The following SPPL3 variants were observed in gnomAD, a reference collection of about 807,000 sequenced individuals.
The protein encoded by SPPL3 is signal peptide peptidase like 3.
A neutral mutation model predicts 42.4 loss-of-function variants in SPPL3; 5 were observed. The ratio of observed to expected loss-of-function variants is 0.12; its 90% CI spans 0.06 to 0.25. The LOEUF (loss-of-function observed/expected upper bound fraction) is 0.25, where lower values mean the gene tolerates loss of function less well. SPPL3 is among the 10% of genes least tolerant of loss of function. The pLI is 1.00. For synonymous variants in SPPL3, 195 were observed against 181.8 expected (o/e 1.07, Z -0.58); for missense variants, 235 against 489.0 (o/e 0.48, Z 4.90).
At chr12:120,800,869 C>G (rs935614197) in intron 2 of SPPL3, among the ~76,000 whole-genome samples, 2 of 152,230 alleles carry the variant, frequency 1.3e-5, no homozygotes, top group Non-Finnish European at 2.9e-5. Flanking sequence ...TGAGCTCATA[C>G]TGTCAGGCAC....
At position 120,782,723 on chromosome 12, in the gene SPPL3, A is replaced by G; in HGVS notation, c.434T>C (p.Leu145Pro). ...GAGCATGACAGACAGAGAGAATGAC[A>G]GCAACTCAGCAGCAGTGAAACGTCC... The part of the protein sequence containing the change: ...CCGRFTAAEL[L>P]SFSLSVMLVL... The change falls in exon 6 of 11, where the codon CTG (leucine) becomes CCG (proline). Residue 145 changes from leucine (L) to proline (P), a missense_variant. Around this residue, in one of 6 missense-constraint regions of SPPL3, gnomAD observed 110 missense variants for 186.2 expected, o/e 0.59. Coordinates refer to ENST00000353487, the MANE Select transcript of SPPL3 (RefSeq NM_139015.5). 6.2e-7 allele frequency: 1 copy of G among 1,610,484 alleles called. No homozygotes were observed. Among genetic ancestry groups the G allele is most frequent in the Non-Finnish European group, 8.5e-7 (1 of 1,178,046 alleles).
At chr12:120,880,851 A>AT (rs1873256723) in intron 1 of SPPL3, among the ~76,000 whole-genome samples, 1 of 151,796 alleles carries the variant, frequency 6.6e-6, no homozygotes, top group South Asian at 2.1e-4. Flanking sequence ...GAATATACTA[A>AT]TAACTACAGC....
chr12:120,848,921 A>G (rs1872132393), intron 1 of SPPL3, among the ~76,000 whole-genome samples: 1 of 152,028 alleles, frequency 6.6e-6, no homozygotes, highest in South Asian at 2.1e-4. Context: ...GTAACACTCA[A>G]TTTTGGTTTT....
chr12:120,835,666 T>G (rs1871594257), intron 1 of SPPL3: 1 of 152,222 alleles, frequency 6.6e-6, no homozygotes, highest in South Asian at 2.1e-4. Context: ...TATGCCTTCA[T>G]GTAAAAAGCT....
At chr12:120,804,527 AT>A (rs1266848262) in intron 2 of SPPL3, among the ~76,000 whole-genome samples, 2 of 152,166 alleles carry the variant, frequency 1.3e-5, no homozygotes, top group Non-Finnish European at 2.9e-5. Flanking sequence ...GCAAACCAAA[AT>A]TATAATGAGA....
At chr12:120,890,363 G>A (rs981534591) in intron 1 of SPPL3, among the ~76,000 whole-genome samples, 17 of 152,098 alleles carry the variant, frequency 1.1e-4, no homozygotes, top group African/African-American at 4.1e-4. Context: ...GCTGAGGCGG[G>A]CAGATCACGA....
intron 9 of SPPL3, among the ~76,000 whole-genome samples, 183 bp from the exon 10 acceptor site, chr12:120,766,555 A>G (rs1868915184): frequency 2.0e-5 from 3 of 152,184 alleles, no homozygotes; most frequent in South Asian, 4.1e-4. Flanking sequence ...AAAAACACCT[A>G]CAACTCCAAG....
In SPPL3 at chr12:120,903,962, G is replaced by GTGCT. The variant is rs909431887; in HGVS notation, c.-99_-96dup. 8 of 1,089,010 alleles carry GTGCT rather than the reference G, an allele frequency of 7.3e-6. No homozygotes were observed. The highest frequency in any genetic ancestry group is 1.6e-5 in the African/African-American group (1 of 60,624). 67.5% of individuals were successfully genotyped at this position (1,089,010 alleles called of 1,614,324 possible). On this transcript the variant is annotated 5_prime_UTR_variant, in exon 1 of 11. Transcript: ENST00000353487. ...TAGCTGAAGGCGCGGCCGGGGTCCG[G>GTGCT]TGCTTGCTTGCTTGCTCGCTCGCTG...
At chr12:120,885,849 C>CT (rs142907503) in intron 1 of SPPL3, among the ~76,000 whole-genome samples, 1,764 of 121,542 alleles carry the variant, frequency 0.015, 39 homozygotes, top group African/African-American at 0.04. Context: ...AACATTAAAA[C>CT]TTTTTTTTTT....
At chr12:120,820,478 G>A (rs904587944) in intron 1 of SPPL3, among the ~76,000 whole-genome samples, 1 of 151,806 alleles carries the variant, frequency 6.6e-6, no homozygotes, top group African/African-American at 2.4e-5. Flanking sequence ...ACCACATCCG[G>A]CTAATTTTTT....
chr12:120,847,688 C>T (rs1463596575), intron 1 of SPPL3, among the ~76,000 whole-genome samples: 1 of 152,006 alleles, frequency 6.6e-6, no homozygotes, highest in Admixed American at 6.6e-5. Flanking sequence ...ACCTTGGCTT[C>T]CGAAAGTGCT....
rs1566040059 is a variant in SPPL3 at position 120,781,573 on chromosome 12, T to TGG, written c.502+1081_502+1082insCC. On this transcript the variant is annotated intron_variant, in intron 6 of 10. Transcript: ENST00000353487. ...TTGTTACGTTTTTTTTTTTTTTTTT[T>TGG]TTTTTTTTTTTTTTTTTTGAGACGG... is the stretch of plus-strand genomic sequence containing the variant. Among the ~76,000 whole-genome samples, 304 of 116,476 alleles carry TGG rather than the reference T, an allele frequency of 2.6e-3. 7 individuals carry two copies. Among genetic ancestry groups the TGG allele is most frequent in the African/African-American group, 0.01 (285 of 27,244 alleles). 76.4% of individuals were successfully genotyped at this position (116,476 alleles called of 152,430 possible).
At chr12:120,801,290 C>A (rs990974940) in intron 2 of SPPL3, among the ~76,000 whole-genome samples, 2 of 152,100 alleles carry the variant, frequency 1.3e-5, no homozygotes, top group Admixed American at 1.3e-4. Context: ...GCTAGCTGGG[C>A]CTCCTCTTCT....
chr12:120,777,210 A>C (rs1869352620), intron 6 of SPPL3, among the ~76,000 whole-genome samples: 1 of 152,230 alleles, frequency 6.6e-6, no homozygotes, highest in African/African-American at 2.4e-5. Context: ...AAGTAACAGC[A>C]GGAGAAACAT....
At chr12:120,799,932 ACT>A (rs1175190830) in intron 2 of SPPL3, among the ~76,000 whole-genome samples, 2 of 152,112 alleles carry the variant, frequency 1.3e-5, no homozygotes, top group Non-Finnish European at 2.9e-5. Flanking sequence ...TTTGCAAAAG[ACT>A]CTGCCTCCAA....
At chr12:120,876,616 C>CAAAAAAAAAAAAA (rs71076676) in intron 1 of SPPL3, among the ~76,000 whole-genome samples, 6 of 51,210 alleles carry the variant, frequency 1.2e-4, no homozygotes, top group African/African-American at 3.3e-4. Context: ...GACTCTGTCT[C>CAAAAAAAAAAAAA]AAAAAAAAAA....
intron 6 of SPPL3, among the ~76,000 whole-genome samples, chr12:120,777,838 A>G (rs1372505205): frequency 1.3e-5 from 2 of 152,214 alleles, no homozygotes; most frequent in East Asian, 3.8e-4. Context: ...ACAAGATGCT[A>G]AACAAATGAC....
intron 1 of SPPL3, among the ~76,000 whole-genome samples, chr12:120,878,119 C>A (rs1315792815): frequency 6.6e-6 from 1 of 151,900 alleles, no homozygotes; most frequent in Non-Finnish European, 1.5e-5. Context: ...TTTCTACATA[C>A]CAGTAATGAC....
At chr12:120,886,210 C>T (rs1593011841) in intron 1 of SPPL3, among the ~76,000 whole-genome samples, 1 of 151,900 alleles carries the variant, frequency 6.6e-6, no homozygotes, top group Non-Finnish European at 1.5e-5. Context: ...CTAGGAGACA[C>T]AATCTATACA....
Sources: allele counts gnomAD v4.1 joint callset (sites outside exome capture counted in the v4.1 genomes callset), GRCh38; gene constraint gnomAD v4.1.1; regional missense constraint gnomAD v4.1.1; transcripts MANE v1.5; gene names NCBI Gene and HGNC (gene_info 2026-07-23, HGNC 2026-07-21).